CCNY: variants seen among roughly 807,000 people sequenced by gnomAD.
CCNY encodes cyclin Y, also known as cyclin-Y.
A neutral mutation model predicts 42.8 loss-of-function variants in CCNY; 19 were observed. The observed-to-expected ratio is 0.44, with a 90% CI of 0.31 to 0.65. The LOEUF is 0.65. CCNY is among the 30% of genes least tolerant of loss of function. The probability of loss-of-function intolerance (pLI) is 0.07; values close to 1 mark genes in which losing one functional copy is unlikely to be tolerated. For synonymous variants in CCNY, 165 were observed against 162.7 expected (o/e 1.01, Z -0.11); for missense variants, 370 against 437.3 (o/e 0.85, Z 1.37).
chr10:35,341,538 C>T (rs1219217449), intron 1 of CCNY, among the ~76,000 whole-genome samples: 1 of 152,160 alleles, frequency 6.6e-6, no homozygotes, highest in African/African-American at 2.4e-5. Flanking sequence ...CTGATGTAAC[C>T]AAGTGCCTAG....
chr10:35,404,678 T>C (rs55797075), intron 1 of CCNY, among the ~76,000 whole-genome samples: 56,870 of 151,694 alleles, frequency 0.37, 10,851 homozygotes, highest in African/African-American at 0.43. Context: ...TATCTAAAGG[T>C]GAAAGTATCC....
chr10:35,437,447 G>A (rs1168425882), intron 1 of CCNY, among the ~76,000 whole-genome samples: 1 of 152,108 alleles, frequency 6.6e-6, no homozygotes. Context: ...TTAAGCCCAG[G>A]AGTTCGAGAT....
intron 2 of CCNY, among the ~76,000 whole-genome samples, chr10:35,485,507 C>T (rs1039687257): frequency 4.6e-5 from 7 of 152,116 alleles, no homozygotes; most frequent in Admixed American, 6.5e-5. Context: ...GGGTGGATCA[C>T]GAGGTCAGGA....
chr10:35,446,184 C>T (rs1447812655), intron 1 of CCNY, among the ~76,000 whole-genome samples: 2 of 152,072 alleles, frequency 1.3e-5, no homozygotes, highest in African/African-American at 4.8e-5. Flanking sequence ...GTTTGCTGAT[C>T]AACAGAAAAG....
intron 3 of CCNY, among the ~76,000 whole-genome samples, chr10:35,318,523 C>A (rs1382787618): frequency 6.6e-6 from 1 of 152,104 alleles, no homozygotes; most frequent in Non-Finnish European, 1.5e-5. Flanking sequence ...GTAAATGATT[C>A]TCTTATTTTC....
intron 1 of CCNY, among the ~76,000 whole-genome samples, chr10:35,443,174 T>G (rs1244870084): frequency 6.6e-6 from 1 of 152,232 alleles, no homozygotes; most frequent in African/African-American, 2.4e-5. Context: ...TCTGAAGGCC[T>G]AGAACATTTG....
chr10:35,556,050 G>T (rs559203411), intron 8 of CCNY, among the ~76,000 whole-genome samples: 23 of 152,266 alleles, frequency 1.5e-4, no homozygotes, highest in African/African-American at 5.5e-4. Flanking sequence ...AAAGAAAATT[G>T]ATCATTTTTT....
chr10:35,456,917 T>C (rs1006670207), intron 1 of CCNY, among the ~76,000 whole-genome samples: 1 of 152,216 alleles, frequency 6.6e-6, no homozygotes, highest in African/African-American at 2.4e-5. Context: ...GTCTGTGGGA[T>C]ATCCATGGCT....
intron 7 of CCNY, among the ~76,000 whole-genome samples, chr10:35,551,380 A>G (rs765579754): frequency 1.1e-4 from 16 of 152,222 alleles, no homozygotes; most frequent in Non-Finnish European, 2.1e-4. Flanking sequence ...TATTTTATTT[A>G]TGTGTAAACA....
At chr10:35,456,958 C>T (rs953853647) in intron 1 of CCNY, among the ~76,000 whole-genome samples, 2 of 152,200 alleles carry the variant, frequency 1.3e-5, no homozygotes, top group Non-Finnish European at 2.9e-5. Context: ...TCTGCTTTCT[C>T]TGTCACATGT....
At chr10:35,426,246 C>T (rs1838270867) in intron 1 of CCNY, among the ~76,000 whole-genome samples, 1 of 151,932 alleles carries the variant, frequency 6.6e-6, no homozygotes, top group Non-Finnish European at 1.5e-5. Flanking sequence ...CACACACACA[C>T]ACACACAAAC....
chr10:35,330,564 C>A (rs1171342300), intron 3 of CCNY, among the ~76,000 whole-genome samples: 1 of 152,148 alleles, frequency 6.6e-6, no homozygotes, highest in African/African-American at 2.4e-5. Flanking sequence ...CATTTGCCTG[C>A]ATACAACTTG....
chr10:35,420,288 A>G lies in CCNY; in HGVS notation c.155-63116A>G, dbSNP rs569166684. 3.4e-4 allele frequency among the ~76,000 whole-genome samples: 52 copies of G among 152,248 alleles called. No homozygotes were observed. The South Asian group carries it at 0.011, about 31-fold the overall frequency. ...GCAAGAGGAATATTTGGTAAAGTTG[A>G]TGTTGTTTGCTTTGGTGAGCAGTGG... is the stretch of plus-strand genomic sequence containing the variant. On this transcript the variant is annotated intron_variant, in intron 1 of 9. Coordinates refer to ENST00000374704, the MANE Select transcript of CCNY (RefSeq NM_145012.6).
intron 1 of CCNY, among the ~76,000 whole-genome samples, chr10:35,374,369 A>C (rs1265147304): frequency 3.3e-5 from 5 of 152,248 alleles, no homozygotes; most frequent in East Asian, 1.9e-4. Context: ...ACAGGAAAAG[A>C]AGCTTTCTCT....
rs529977569 is a variant in CCNY, at chr10:35,266,982, T to A, written c.-9+16356T>A. ...ATGTAATCCCAGCTACTCAGGAGGC[T>A]GAGGCAGGAGAATCGCTTGTACCTG... is the stretch of plus-strand genomic sequence containing the variant. On this transcript the variant is annotated intron_variant, in intron 3 of 11. Coordinates refer to the CCNY transcript ENST00000374706. 7.3e-5 allele frequency among the ~76,000 whole-genome samples: 11 copies of A among 151,592 alleles called. No individual in the cohort carries two copies. The South Asian group carries it at 2.3e-3, about 32-fold the overall frequency.
At chr10:35,504,634 G>A (rs1840177981) in intron 3 of CCNY, among the ~76,000 whole-genome samples, 1 of 152,096 alleles carries the variant, frequency 6.6e-6, no homozygotes, top group African/African-American at 2.4e-5. Context: ...TTTTGTTGTT[G>A]TTGTTGTTGT....
chr10:35,356,157 C>G (rs965684563), intron 1 of CCNY, among the ~76,000 whole-genome samples: 4 of 152,118 alleles, frequency 2.6e-5, no homozygotes, highest in Non-Finnish European at 4.4e-5. Flanking sequence ...AACCAAAAGC[C>G]TTTTCTGGAG....
chr10:35,322,353 CAA>C (rs34956470), intron 3 of CCNY, among the ~76,000 whole-genome samples: 50 of 101,744 alleles, frequency 4.9e-4, no homozygotes, highest in East Asian at 1.1e-3. Context: ...GACTCTGTCT[CAA>C]AAAAAAAAAA....
chr10:35,467,695 T>C (rs1211676989), intron 1 of CCNY, among the ~76,000 whole-genome samples: 39 of 152,346 alleles, frequency 2.6e-4, no homozygotes, highest in Non-Finnish European at 1.5e-5. Flanking sequence ...ACAATGTTGA[T>C]AGTAGGTGGA....
Sources: gnomAD v4.1 joint callset for allele counts (sites outside exome capture counted in the v4.1 genomes callset) on GRCh38, gnomAD v4.1.1 for gene constraint, MANE v1.5 for transcripts, NCBI Gene and HGNC (gene_info 2026-07-23, HGNC 2026-07-21) for gene names.